Variants in CCDC137 observed in about 807,000 individuals in gnomAD.
The protein encoded by CCDC137 is coiled-coil domain-containing protein 137.
CCDC137 carries 24 observed loss-of-function variants against 30.4 expected under a neutral mutation model. The observed-to-expected ratio is 0.79, with a 90% CI of 0.57 to 1.11. The LOEUF is 1.11. CCDC137 is among the 50% of genes least tolerant of loss of function. The pLI is 0.00. For synonymous variants in CCDC137, 182 were observed against 155.7 expected (o/e 1.17, Z -1.26); for missense variants, 417 against 380.4 (o/e 1.10, Z -0.80).
At position 81,673,447 on chromosome 17, in the gene CCDC137, G is replaced by C. The variant is rs2036746967; in HGVS notation, c.*743G>C. 6.6e-6 allele frequency: 1 copy of C among 152,162 alleles called. No homozygotes were observed. Among genetic ancestry groups the C allele is most frequent in the Non-Finnish European group, 1.5e-5 (1 of 68,022 alleles). The allele number at this position is 152,162 out of a possible 1,614,324, so 9.4% of individuals were successfully genotyped here. ...GTTGTCACCTACCTAACAGGGCTCT[G>C]AGAGAGCCGGGAGGCCCAAAGTGGC... On this transcript the variant is annotated 3_prime_UTR_variant, in exon 6 of 6. Transcript: ENST00000329214.
chr17:81,669,561 G>A (rs532991732), intron 2 of CCDC137, among the ~76,000 whole-genome samples: 1 of 152,266 alleles, frequency 6.6e-6, no homozygotes, highest in South Asian at 2.1e-4. Flanking sequence ...TCATAGGTCT[G>A]CCCACGTTTC....
intron 1 of CCDC137, 55 bp downstream of exon 1, chr17:81,666,955 G>C: frequency 1.6e-6 from 2 of 1,241,096 alleles, no homozygotes; most frequent in Non-Finnish European, 2.0e-6. Context: ...GGGACGCCTT[G>C]AAGGCTCCGC....
At position 81,666,791 on chromosome 17, in the gene CCDC137, G is replaced by T. The variant is rs1009827502; in HGVS notation, c.25G>T (p.Ala9Ser). The T allele has an allele frequency of 4.1e-6, 6 of 1,468,952 alleles. No individual in the cohort carries two copies. The highest frequency in any genetic ancestry group is 3.6e-6 in the Non-Finnish European group (4 of 1,115,706). 91.0% of individuals were successfully genotyped at this position (1,468,952 alleles called of 1,614,324 possible). A position where few individuals can be genotyped will look rare whatever the true frequency, so the allele number is the denominator to read the frequency against. The change falls in exon 1 of 6, where the codon GCG becomes TCG. Residue 9 changes from alanine (A) to serine (S), a missense_variant. Physicochemically the swap from Ala to Ser is moderately conservative, Grantham distance 99 (BLOSUM62 1). Transcript: ENST00000329214. Reference sequence around the variant, plus strand: ...GATGGCGGGAGCTGGTCGCGGAGCAGCGGTGTCCAGGGTGCAGGCGGGTCC... The same window carrying T: ...GATGGCGGGAGCTGGTCGCGGAGCATCGGTGTCCAGGGTGCAGGCGGGTCC... Reference protein sequence around the residue: MAGAGRGAAVSRVQAGPGS... With the variant: MAGAGRGASVSRVQAGPGS...
chr17:81,667,982 G>A (rs972435466), intron 2 of CCDC137, 120 bp downstream of exon 2: 22 of 1,232,688 alleles, frequency 1.8e-5, no homozygotes, highest in Non-Finnish European at 2.3e-5. Context: ...TGCTCAGAAG[G>A]TGGGGGAGCG....
chr17:81,673,036 G>A lies in CCDC137; in HGVS notation c.*332G>A, dbSNP rs1446628082. On this transcript the variant is annotated 3_prime_UTR_variant, in exon 6 of 6. Transcript: ENST00000329214. ...AACACCAAATACCGAGACAGCTGAT[G>A]AGGCTGGCTCAGTGTGTGACGGAGG... The A allele has an allele frequency of 2.6e-6, 1 of 389,786 alleles. No individual in the cohort carries two copies. The highest frequency in any genetic ancestry group is 5.3e-5 in the East Asian group (1 of 18,978). 24.1% of individuals were successfully genotyped at this position (389,786 alleles called of 1,614,324 possible).
In CCDC137 at chr17:81,666,799, C is replaced by A; in HGVS notation, c.33C>A (p.Ser11=). 6.8e-7 allele frequency: 1 copy of A among 1,462,476 alleles called. No homozygotes were observed. 90.6% of individuals were successfully genotyped at this position (1,462,476 alleles called of 1,614,324 possible). The change falls in exon 1 of 6, where the codon TCC becomes TCA. Residue 11 remains serine, a synonymous_variant. Coordinates refer to ENST00000329214, the MANE Select transcript of CCDC137 (RefSeq NM_199287.3). MAGAGRGAAV[S]RVQAGPGSPR... ...GAGCTGGTCGCGGAGCAGCGGTGTC[C>A]AGGGTGCAGGCGGGTCCTGGGAGTC...
At chr17:81,667,319 C>CTTTTT (rs913039751) in intron 1 of CCDC137, among the ~76,000 whole-genome samples, 1 of 125,634 alleles carries the variant, frequency 8.0e-6, no homozygotes, top group Non-Finnish European at 1.7e-5. Context: ...TAGATAGATT[C>CTTTTT]TTTTTTTTTT....
rs1428023755 is a variant in CCDC137, at chr17:81,671,840, A to C, written c.580+14A>C. 2.5e-6 allele frequency: 4 copies of C among 1,613,112 alleles called. No homozygotes were observed. The South Asian group carries it at 4.4e-5, about 18-fold the overall frequency. On this transcript the variant is annotated intron_variant, in intron 4 of 5. Coordinates refer to ENST00000329214, the MANE Select transcript of CCDC137 (RefSeq NM_199287.3). The stretch of plus-strand genomic sequence containing the variant: ...AGTTGCTCCGAGGTAGCTCTTCCCA[A>C]AGCGATGGTGTCAGCAGTGGTCCGG...
rs188754563 is a variant in CCDC137, at chr17:81,667,912, C to T, written c.268+50C>T. 192 of 1,587,332 alleles carry T rather than the reference C, an allele frequency of 1.2e-4. No homozygotes were observed. The East Asian group carries it at 4.0e-3, about 33-fold the overall frequency. ...GCAGTGAAGCTTTGTGTGTCTCAAC[C>T]CGCCCAATCGCCCAAATACTTCAGA... On this transcript the variant is annotated intron_variant, in intron 2 of 5. Coordinates refer to ENST00000329214, the MANE Select transcript of CCDC137 (RefSeq NM_199287.3).
intron 1 of CCDC137, among the ~76,000 whole-genome samples, chr17:81,667,426 C>A (rs2036650735): frequency 6.6e-6 from 1 of 150,424 alleles, no homozygotes; most frequent in Non-Finnish European, 1.5e-5. Context: ...CTCCCGGGTT[C>A]ACGCCATTCT....
In CCDC137 at chr17:81,672,557, G is replaced by A. The variant is rs779028277; in HGVS notation, c.723G>A (p.Leu241=). 1.3e-6 allele frequency: 2 copies of A among 1,572,882 alleles called. No homozygotes were observed. Among genetic ancestry groups the A allele is most frequent in the Non-Finnish European group, 1.7e-6 (2 of 1,159,180 alleles). ...GCCCCGGTGGTGTGTCCCAGCCTCT[G>A]ACCGCCTCCCTGGCCCGCCAGCGGA... ...LLSPGGVSQP[L]TASLARQRIV... The change falls in exon 6 of 6, where the codon CTG becomes CTA. Residue 241 remains leucine (L), a synonymous_variant. Transcript: ENST00000329214.
At chr17:81,672,421 G>A (rs1222770899) in intron 5 of CCDC137, 74 bp from the exon 6 acceptor site, 15 of 1,403,652 alleles carry the variant, frequency 1.1e-5, no homozygotes, top group Non-Finnish European at 1.3e-5. Flanking sequence ...CGGGAGAGCT[G>A]TTGAAGCTGT....
At position 81,672,445 on chromosome 17, in the gene CCDC137, G is replaced by A. The variant is rs139696300; in HGVS notation, c.661-50G>A. The A allele has an allele frequency of 4.4e-5, 67 of 1,509,810 alleles. No homozygotes were observed. The African/African-American group carries it at 8.5e-4, about 19-fold the overall frequency. 93.5% of individuals were successfully genotyped at this position (1,509,810 alleles called of 1,614,324 possible). A position where few individuals can be genotyped will look rare whatever the true frequency, so the allele number is the denominator to read the frequency against. On this transcript the variant is annotated intron_variant, in intron 5 of 5. Transcript: ENST00000329214. ...TGTTGAAGCTGTGAGGCTTTCTGTT[G>A]CATCCCCTCCTTTCCCAGCCTGTGC...
Position 81,666,766 on chromosome 17 carries a change from G to A in CCDC137, c.-1G>A, listed in dbSNP as rs1374308821. 3 of 1,468,192 alleles carry A rather than the reference G, an allele frequency of 2.0e-6. No individual in the cohort carries two copies. Among genetic ancestry groups the A allele is most frequent in the South Asian group, 2.8e-5 (2 of 72,138 alleles). The allele number at this position is 1,468,192 out of a possible 1,614,324, so 90.9% of individuals were successfully genotyped here. A position where few individuals can be genotyped will look rare whatever the true frequency, so the allele number is the denominator to read the frequency against. ...TCGCTAGGGAGCCTCCCGGCGTGGA[G>A]ATGGCGGGAGCTGGTCGCGGAGCAG... On this transcript the variant is annotated 5_prime_UTR_variant, in exon 1 of 6. Transcript: ENST00000329214.
chr17:81,669,512 C>T (rs1487550147), intron 2 of CCDC137, among the ~76,000 whole-genome samples: 3 of 152,166 alleles, frequency 2.0e-5, no homozygotes, highest in Non-Finnish European at 4.4e-5. Flanking sequence ...CTGTGTTCTA[C>T]ACTCGCCCGG....
intron 1 of CCDC137, among the ~76,000 whole-genome samples, chr17:81,667,447 C>T (rs564481024): frequency 4.1e-4 from 62 of 152,056 alleles, no homozygotes; most frequent in Non-Finnish European, 7.4e-4. Context: ...CCTGCCTCAG[C>T]CTCCCGAGTA....
intron 1 of CCDC137, 55 bp from the exon 2 acceptor site, chr17:81,667,671 ACTG>A (rs2036657826): frequency 1.9e-6 from 3 of 1,597,202 alleles, no homozygotes; most frequent in Non-Finnish European, 2.6e-6. Context: ...TGTTTCTCTT[ACTG>A]ATTCTGCTTG....
In CCDC137 at chr17:81,667,812, G is replaced by A. The variant is rs1815876781; in HGVS notation, c.218G>A (p.Ser73Asn). 1 of 1,612,582 alleles carries A rather than the reference G, an allele frequency of 6.2e-7. No individual in the cohort carries two copies. Among genetic ancestry groups the A allele is most frequent in the East Asian group, 2.2e-5 (1 of 44,878 alleles). ...TTCCGGCTCCGGGAGATTATGAGGA[G>A]CCGCCAAGAGATGAAAAACCCGATC... is the stretch of plus-strand genomic sequence containing the variant. ...IPFRLREIMR[S>N]RQEMKNPISN... is the part of the protein sequence containing the mutation. The change falls in exon 2 of 6, where the codon AGC becomes AAC. Residue 73 changes from serine to asparagine, a missense_variant. Physicochemically the swap from Ser to Asn is conservative, Grantham distance 46 (BLOSUM62 1). Coordinates refer to ENST00000329214, the MANE Select transcript of CCDC137 (RefSeq NM_199287.3).
intron 3 of CCDC137, 52 bp from the exon 4 acceptor site, chr17:81,671,692 C>T (rs1171213361): frequency 6.3e-7 from 1 of 1,593,374 alleles, no homozygotes; most frequent in African/African-American, 1.3e-5. Context: ...TGCCTCCTCC[C>T]TGGGTGGAAA....
Sources: allele counts gnomAD v4.1 joint callset (sites outside exome capture counted in the v4.1 genomes callset), GRCh38; gene constraint gnomAD v4.1.1; transcripts MANE v1.5; gene names NCBI Gene and HGNC (gene_info 2026-07-23, HGNC 2026-07-21).